Variants in ATXN1L observed in about 807,000 individuals in gnomAD.
The protein encoded by ATXN1L is ataxin-1-like.
Under a neutral mutation model 43.4 loss-of-function variants are expected in ATXN1L, and 8 were observed. The ratio of observed to expected loss-of-function variants is 0.18; its 90% CI spans 0.11 to 0.33. The LOEUF is 0.33. ATXN1L is among the 10% of genes least tolerant of loss of function. ATXN1L has a pLI of 1.00. For synonymous variants in ATXN1L, 379 were observed against 360.6 expected (o/e 1.05, Z -0.58); for missense variants, 856 against 885.4 (o/e 0.97, Z 0.42).
chr16:71,849,752 TC>T lies in ATXN1L; in HGVS notation c.13del (p.His5MetfsTer17). The T allele has an allele frequency of 6.6e-7, 1 of 1,510,296 alleles. No individual in the cohort carries two copies. The highest frequency in any genetic ancestry group is 8.9e-7 in the Non-Finnish European group (1 of 1,125,352). 93.6% of individuals were successfully genotyped at this position (1,510,296 alleles called of 1,614,324 possible). ...CACCACAAAGCAATATGAAACCTGTTCATGAAAGGAGTCAGGAATGCCTTCC... is the reference window on the plus strand; with the variant it reads ...CACCACAAAGCAATATGAAACCTGTTATGAAAGGAGTCAGGAATGCCTTCC... MKPV[H>X]ERSQECLPPK... On this transcript the variant is annotated frameshift_variant, in exon 3 of 3. Coordinates refer to ENST00000427980, the MANE Select transcript of ATXN1L (RefSeq NM_001137675.4). LOFTEE classifies it high-confidence loss of function.
chr16:71,851,588 A>C lies in ATXN1L; in HGVS notation c.1848A>C (p.Arg616Ser). ...ERPERTVLGS[R>S]ELCDSEGKSQ... is the part of the protein sequence containing the mutation. Reference sequence around the variant, plus strand: ...CTGAGAGGACGGTCTTGGGATCCAGAGAGCTATGTGACAGTGAGGGGAAGA... The same window carrying C: ...CTGAGAGGACGGTCTTGGGATCCAGCGAGCTATGTGACAGTGAGGGGAAGA... Residue 616 changes from arginine to serine, a missense_variant, in exon 3 of 3, where the codon AGA becomes AGC. By Grantham distance (110) the Arg-to-Ser change is moderately radical. Transcript: ENST00000427980. The surrounding 1 kb of genome is among the most constrained non-coding windows in gnomAD (Gnocchi z 4.9). The C allele has an allele frequency of 1.9e-6, 3 of 1,549,368 alleles. No homozygotes were observed. The highest frequency in any genetic ancestry group is 2.5e-5 in the East Asian group (1 of 40,744).
At position 71,855,175 on chromosome 16, in the gene ATXN1L, T is replaced by G. The variant is rs1162498770; in HGVS notation, c.*3365T>G. On this transcript the variant is annotated 3_prime_UTR_variant, in exon 3 of 3. Coordinates refer to ENST00000427980, the MANE Select transcript of ATXN1L (RefSeq NM_001137675.4). ...CTTACCTGTGTTAGGCCATGTTATT[T>G]TATAGCGAAGTCATGTTCGATAGGG... 1.2e-5 allele frequency: 2 copies of G among 167,168 alleles called. No homozygotes were observed. The highest frequency in any genetic ancestry group is 3.9e-4 in the East Asian group (2 of 5,194). The allele number at this position is 167,168 out of a possible 1,614,324, so 10.4% of individuals were successfully genotyped here.
chr16:71,851,953 C>A lies in ATXN1L; in HGVS notation c.*143C>A. ...GGGAAAGGGGAGGCATGAAGTCAGC[C>A]TCCCAAGGCAGGATCTGTTGTTCAT... On this transcript the variant is annotated 3_prime_UTR_variant, in exon 3 of 3. Transcript: ENST00000427980. The surrounding 1 kb of genome is among the most constrained non-coding windows in gnomAD (Gnocchi z 4.9). 4.1e-6 allele frequency: 4 copies of A among 971,092 alleles called. No homozygotes were observed. Among genetic ancestry groups the A allele is most frequent in the African/African-American group, 3.3e-5 (2 of 60,388 alleles). The allele number at this position is 971,092 out of a possible 1,614,324, so 60.2% of individuals were successfully genotyped here. A position where few individuals can be genotyped will look rare whatever the true frequency, so the allele number is the denominator to read the frequency against.
At chr16:71,846,792 CTT>C (rs2033448147) in intron 1 of ATXN1L, among the ~76,000 whole-genome samples, 1 of 151,846 alleles carries the variant, frequency 6.6e-6, no homozygotes, top group African/African-American at 2.4e-5. Flanking sequence ...AGGCTTGGCT[CTT>C]TGTTTTCCTT....
At chr16:71,849,164 G>T (rs2033471727) in intron 2 of ATXN1L, among the ~76,000 whole-genome samples, 1 of 130,544 alleles carries the variant, frequency 7.7e-6, no homozygotes, top group African/African-American at 2.9e-5. Flanking sequence ...GGTGAGCTGA[G>T]ATTGCACCAT....
Position 71,849,699 on chromosome 16 carries a change from C to T in ATXN1L, c.-42C>T. 1 of 1,459,098 alleles carries T rather than the reference C, an allele frequency of 6.9e-7. No individual in the cohort carries two copies. The highest frequency in any genetic ancestry group is 9.1e-7 in the Non-Finnish European group (1 of 1,102,292). 90.4% of individuals were successfully genotyped at this position (1,459,098 alleles called of 1,614,324 possible). ...AAGCCCCTTCTGATGCCCCAGGGAGCAAGTCGACTCCTTCCAGGCTCCAGG... is the reference window on the plus strand; with the variant it reads ...AAGCCCCTTCTGATGCCCCAGGGAGTAAGTCGACTCCTTCCAGGCTCCAGG... On this transcript the variant is annotated 5_prime_UTR_variant, in exon 3 of 3. Coordinates refer to ENST00000427980, the MANE Select transcript of ATXN1L (RefSeq NM_001137675.4).
At position 71,851,422 on chromosome 16, in the gene ATXN1L, C is replaced by T. The variant is rs1300123925; in HGVS notation, c.1682C>T (p.Thr561Ile). The T allele has an allele frequency of 1.3e-6, 2 of 1,551,614 alleles. No individual in the cohort carries two copies. The highest frequency in any genetic ancestry group is 1.2e-5 in the South Asian group (1 of 84,066). The part of the protein sequence containing the change: ...GWSSCSPGRT[T>I]QLFSLPCHRL... The stretch of plus-strand genomic sequence containing the variant: ...TCCTCTTGCAGCCCTGGGCGGACGA[C>T]ACAACTCTTCTCTCTGCCCTGCCAT... Residue 561 changes from threonine to isoleucine, a missense_variant, in exon 3 of 3, where the codon ACA (threonine) becomes ATA (isoleucine). Coordinates refer to ENST00000427980, the MANE Select transcript of ATXN1L (RefSeq NM_001137675.4). This position sits in a 1 kb window ranked among gnomAD's most constrained non-coding sequence, Gnocchi z 4.9.
intron 1 of ATXN1L, among the ~76,000 whole-genome samples, chr16:71,847,643 T>C (rs2033457131): frequency 6.6e-6 from 1 of 152,164 alleles, no homozygotes; most frequent in African/African-American, 2.4e-5. Flanking sequence ...CCATTGTTCA[T>C]ATGGGAACAG....
Position 71,850,703 on chromosome 16 carries a change from G to A in ATXN1L, c.963G>A (p.Glu321=). Reference sequence around the variant, plus strand: ...CAGGTTCTCAGACTCCACGGGTAGAGGTAGCAGCACCAGCACACCGGGGGA... The same window carrying A: ...CAGGTTCTCAGACTCCACGGGTAGAAGTAGCAGCACCAGCACACCGGGGGA... ...LFSGSQTPRV[E]VAAPAHRGTP... The change falls in exon 3 of 3, where the codon GAG becomes GAA. Residue 321 remains glutamate, a synonymous_variant. Coordinates refer to ENST00000427980, the MANE Select transcript of ATXN1L (RefSeq NM_001137675.4). 6.4e-7 allele frequency: 1 copy of A among 1,551,726 alleles called. No individual in the cohort carries two copies. Among genetic ancestry groups the A allele is most frequent in the South Asian group, 1.2e-5 (1 of 84,066 alleles).
chr16:71,854,251 A>T lies in ATXN1L; in HGVS notation c.*2441A>T, dbSNP rs1336032516. ...AGATACAGACCAATTAGTTTAGATC[A>T]AATCACCTTCCACTTGGGCTACTTG... On this transcript the variant is annotated 3_prime_UTR_variant, in exon 3 of 3. Coordinates refer to ENST00000427980, the MANE Select transcript of ATXN1L (RefSeq NM_001137675.4). The T allele has an allele frequency of 3.6e-5, 6 of 167,144 alleles. No individual in the cohort carries two copies. The highest frequency in any genetic ancestry group is 3.3e-4 in the Admixed American group (5 of 15,288). 10.4% of individuals were successfully genotyped at this position (167,144 alleles called of 1,614,324 possible).
chr16:71,846,416 T>C (rs1597109351), intron 1 of ATXN1L, among the ~76,000 whole-genome samples: 1 of 152,072 alleles, frequency 6.6e-6, no homozygotes, highest in Non-Finnish European at 1.5e-5. Flanking sequence ...TGGTGAAGGG[T>C]GGACCCCCTA....
intron 2 of ATXN1L, among the ~76,000 whole-genome samples, chr16:71,848,684 A>G (rs976296960): frequency 3.2e-5 from 2 of 61,960 alleles, no homozygotes; most frequent in Non-Finnish European, 5.7e-5. Flanking sequence ...TTAGGGAGCA[A>G]AGTCTTAAAA....
chr16:71,851,240 C>T lies in ATXN1L; in HGVS notation c.1500C>T (p.Ser500=), dbSNP rs1023234495. ...TQDFVRSAEV[S]GGLKIDSSTV... is the part of the protein sequence containing the mutation. Reference sequence around the variant, plus strand: ...ATTTTGTGCGCAGTGCCGAAGTGAGCGGGGGGCTGAAGATTGACTCTAGCA... The same window carrying T: ...ATTTTGTGCGCAGTGCCGAAGTGAGTGGGGGGCTGAAGATTGACTCTAGCA... Residue 500 remains serine, a synonymous_variant, in exon 3 of 3, where the codon AGC becomes AGT. Coordinates refer to ENST00000427980, the MANE Select transcript of ATXN1L (RefSeq NM_001137675.4). The surrounding 1 kb of genome is among the most constrained non-coding windows in gnomAD (Gnocchi z 4.9). 32 of 1,551,578 alleles carry T rather than the reference C, an allele frequency of 2.1e-5. No individual in the cohort carries two copies. Among genetic ancestry groups the T allele is most frequent in the Middle Eastern group, 1.7e-4 (1 of 5,992 alleles).
At position 71,850,456 on chromosome 16, in the gene ATXN1L, G is replaced by C; in HGVS notation, c.716G>C (p.Gly239Ala). Residue 239 changes from glycine to alanine, a missense_variant, in exon 3 of 3, where the codon GGG (glycine) becomes GCG (alanine). Physicochemically the swap from Gly to Ala is moderately conservative, Grantham distance 60. Around this residue, in one of 7 missense-constraint regions of ATXN1L, gnomAD observed 490 missense variants for 449.4 expected, o/e 1.09. Coordinates refer to ENST00000427980, the MANE Select transcript of ATXN1L (RefSeq NM_001137675.4). ...TATCAGATGTCCAGGCTACCTGCTGGGTATACTTTGCATGAAACCCCTCCA... is the reference window on the plus strand; with the variant it reads ...TATCAGATGTCCAGGCTACCTGCTGCGTATACTTTGCATGAAACCCCTCCA... ...IYYQMSRLPA[G>A]YTLHETPPAG... The C allele has an allele frequency of 6.4e-7, 1 of 1,551,696 alleles. No homozygotes were observed. Among genetic ancestry groups the C allele is most frequent in the South Asian group, 1.2e-5 (1 of 84,060 alleles).
Position 71,857,185 on chromosome 16 carries a change from C to G in ATXN1L, c.*5375C>G, listed in dbSNP as rs2033558867. ...TTTGCTGTTTTACCATTTTAAGTCT[C>G]TGTACTTGGCTACACACAGATTGTA... On this transcript the variant is annotated 3_prime_UTR_variant, in exon 3 of 3. Coordinates refer to ENST00000427980, the MANE Select transcript of ATXN1L (RefSeq NM_001137675.4). 6.0e-6 allele frequency: 1 copy of G among 166,344 alleles called. No homozygotes were observed. The highest frequency in any genetic ancestry group is 1.5e-5 in the Non-Finnish European group (1 of 68,102). The allele number at this position is 166,344 out of a possible 1,614,324, so 10.3% of individuals were successfully genotyped here. A position where few individuals can be genotyped will look rare whatever the true frequency, so the allele number is the denominator to read the frequency against.
intron 2 of ATXN1L, 115 bp from the exon 3 acceptor site, chr16:71,849,509 A>C (rs2033476546): frequency 5.1e-6 from 2 of 391,528 alleles, no homozygotes; most frequent in Admixed American, 8.4e-5. Flanking sequence ...TTTCCTCCTT[A>C]TTTTCTAACA....
intron 1 of ATXN1L, among the ~76,000 whole-genome samples, chr16:71,847,489 C>G (rs927047745): frequency 2.6e-5 from 4 of 151,776 alleles, no homozygotes. Flanking sequence ...GTGACTCCCC[C>G]CTGACCTCTT....
In ATXN1L at chr16:71,851,622, G is replaced by C. The variant is rs2033504062; in HGVS notation, c.1882G>C (p.Ala628Pro). The C allele has an allele frequency of 2.6e-6, 4 of 1,538,206 alleles. No homozygotes were observed. Among genetic ancestry groups the C allele is most frequent in the Non-Finnish European group, 3.5e-6 (4 of 1,137,048 alleles). ...LCDSEGKSQP[A>P]GEGSRVVEPS... ...TGACAGTGAGGGGAAGAGCCAGCCG[G>C]CAGGAGAGGGCTCCCGTGTGGTAGA... is the stretch of plus-strand genomic sequence containing the variant. Residue 628 changes from alanine (A) to proline (P), a missense_variant, in exon 3 of 3, where the codon GCA becomes CCA. By Grantham distance (27) the Ala-to-Pro change is conservative (BLOSUM62 -1). Coordinates refer to ENST00000427980, the MANE Select transcript of ATXN1L (RefSeq NM_001137675.4). This position sits in a 1 kb window ranked among gnomAD's most constrained non-coding sequence, Gnocchi z 4.9.
rs957666092 is a variant in ATXN1L, at chr16:71,850,597, C to T, written c.857C>T (p.Ala286Val). The part of the protein sequence containing the change: ...ERNLVRRESE[A>V]LDSPNSKGEG... ...AATTTAGTAAGACGGGAAAGTGAAG[C>T]CCTTGACTCCCCCAACAGCAAGGGT... Residue 286 changes from alanine (A) to valine (V), a missense_variant, in exon 3 of 3, where the codon GCC becomes GTC. Physicochemically the swap from Ala to Val is moderately conservative, Grantham distance 64. Transcript: ENST00000427980. 1 of 1,551,708 alleles carries T rather than the reference C, an allele frequency of 6.4e-7. No individual in the cohort carries two copies. The highest frequency in any genetic ancestry group is 8.7e-7 in the Non-Finnish European group (1 of 1,146,988).
Sources: allele counts gnomAD v4.1 joint callset (sites outside exome capture counted in the v4.1 genomes callset), GRCh38; gene constraint gnomAD v4.1.1; regional missense constraint gnomAD v4.1.1; non-coding constraint Gnocchi (gnomAD v3.1); transcripts MANE v1.5; gene names NCBI Gene and HGNC (gene_info 2026-07-23, HGNC 2026-07-21).